The following SIPA1L1 variants were observed in gnomAD, a reference collection of about 807,000 sequenced individuals.
SIPA1L1 encodes the protein signal induced proliferation associated 1 like 1.
In SIPA1L1, 26 loss-of-function variants were observed where a neutral mutation model predicts 162.7. That is an observed-to-expected ratio of 0.16 (90% CI 0.12 to 0.22). SIPA1L1 has a LOEUF of 0.22. Among genes scored for constraint, SIPA1L1 ranks in the 10% least tolerant of loss-of-function variants. The probability of loss-of-function intolerance (pLI) is 1.00; values close to 1 mark genes in which losing one functional copy is unlikely to be tolerated. For missense variants in SIPA1L1, 1,874 were observed against 2,241.0 expected (o/e 0.84, Z 3.31); for synonymous variants, 829 against 837.4 (o/e 0.99, Z 0.17).
chr14:71,608,396 G>C (rs537435210), intron 5 of SIPA1L1, among the ~76,000 whole-genome samples: 1 of 152,086 alleles, frequency 6.6e-6, no homozygotes, highest in Non-Finnish European at 1.5e-5. Context: ...GAGGTATGAA[G>C]GGTGCTTTAA....
rs149178020 is a variant in SIPA1L1 at position 71,536,313 on chromosome 14, A to G, written c.-303+6943A>G. ...TATGCCACAACCCTCTTAACTTCCA[A>G]TGGGCTTCTTTTAAGTGTCTATGCT... On this transcript the variant is annotated intron_variant, in intron 4 of 23. Transcript: ENST00000381232. Among the ~76,000 whole-genome samples the G allele has an allele frequency of 5.2e-3, 786 of 152,244 alleles. 6 individuals carry two copies. Among genetic ancestry groups the G allele is most frequent in the Middle Eastern group, 0.024 (7 of 294 alleles).
At chr14:71,596,750 A>G (rs1330665709) in intron 5 of SIPA1L1, among the ~76,000 whole-genome samples, 1 of 152,156 alleles carries the variant, frequency 6.6e-6, no homozygotes, top group African/African-American at 2.4e-5. Flanking sequence ...AGTCTTCTAC[A>G]ATCTCTTTGC....
At chr14:71,348,108 A>G (rs1288210536) in intron 2 of SIPA1L1, among the ~76,000 whole-genome samples, 5 of 152,184 alleles carry the variant, frequency 3.3e-5, no homozygotes, top group Admixed American at 1.3e-4. Context: ...ATTTAAAAAA[A>G]TTTTTGGAAG....
intron 19 of SIPA1L1, among the ~76,000 whole-genome samples, chr14:71,725,780 C>A (rs367993550): frequency 6.6e-6 from 1 of 152,124 alleles, no homozygotes; most frequent in East Asian, 1.9e-4. Flanking sequence ...GAGTGCACCC[C>A]CAGAAAGGTC....
intron 4 of SIPA1L1, 41 bp downstream of exon 4, chr14:71,529,411 C>T (rs551809401): frequency 3.3e-4 from 190 of 583,872 alleles, no homozygotes; most frequent in Non-Finnish European, 5.4e-4. Context: ...ACCTGCTTTA[C>T]AAAGTGTTGA....
intron 8 of SIPA1L1, among the ~76,000 whole-genome samples, chr14:71,653,825 A>C (rs947299060): frequency 2.6e-5 from 4 of 152,156 alleles, no homozygotes; most frequent in Non-Finnish European, 5.9e-5. Flanking sequence ...AATTATCCCC[A>C]CTTTACAGAA....
chr14:71,347,304 G>A (rs1566914931), intron 2 of SIPA1L1, among the ~76,000 whole-genome samples: 1 of 151,858 alleles, frequency 6.6e-6, no homozygotes, highest in Non-Finnish European at 1.5e-5. Context: ...TGTTTTCAGG[G>A]TTTGTACATG....
chr14:71,596,736 A>T (rs2036081704), intron 5 of SIPA1L1, among the ~76,000 whole-genome samples: 1 of 152,178 alleles, frequency 6.6e-6, no homozygotes, highest in Admixed American at 6.5e-5. Flanking sequence ...GACGTTTTTT[A>T]AAAAGTCTTC....
intron 4 of SIPA1L1, among the ~76,000 whole-genome samples, chr14:71,564,467 T>G (rs2146730065): frequency 6.8e-6 from 1 of 147,506 alleles, no homozygotes; most frequent in South Asian, 2.2e-4. Context: ...ATGTCCTGAC[T>G]TCTTATCCTC....
At chr14:71,349,836 A>G (rs2036519830) in intron 2 of SIPA1L1, among the ~76,000 whole-genome samples, 1 of 152,170 alleles carries the variant, frequency 6.6e-6, no homozygotes, top group Non-Finnish European at 1.5e-5. Context: ...TTGATGGCCC[A>G]AGAGTGGGGG....
chr14:71,439,758 T>C (rs2044687811), intron 2 of SIPA1L1, among the ~76,000 whole-genome samples: 1 of 152,230 alleles, frequency 6.6e-6, no homozygotes, highest in African/African-American at 2.4e-5. Flanking sequence ...AACGTTTTCT[T>C]TTGATTTAAA....
At chr14:71,379,418 C>T (rs1281363954) in intron 2 of SIPA1L1, 2 of 152,030 alleles carry the variant, frequency 1.3e-5, no homozygotes, top group African/African-American at 4.8e-5. Flanking sequence ...GTCTTCCCAC[C>T]TCACCCTCCC....
At chr14:71,669,307 A>T (rs1400133863) in intron 10 of SIPA1L1, among the ~76,000 whole-genome samples, 1 of 152,210 alleles carries the variant, frequency 6.6e-6, no homozygotes, top group East Asian at 1.9e-4. Flanking sequence ...TAATAAATGG[A>T]TCTGCAGAAA....
Position 71,689,007 on chromosome 14 carries a change from C to T in SIPA1L1, c.3374+3376C>T, listed in dbSNP as rs566112921. 2.0e-5 allele frequency among the ~76,000 whole-genome samples: 3 copies of T among 152,316 alleles called. No individual in the cohort carries two copies. In the South Asian group the frequency reaches 6.2e-4, roughly 32 times the overall value. On this transcript the variant is annotated intron_variant, in intron 13 of 23. Transcript: ENST00000381232. ...CTTAAGTAACCATGGATGGATCCAACACAGTCCATTTTGGGTGAAAACACT... is the reference window on the plus strand; with the variant it reads ...CTTAAGTAACCATGGATGGATCCAATACAGTCCATTTTGGGTGAAAACACT...
intron 2 of SIPA1L1, among the ~76,000 whole-genome samples, chr14:71,509,198 T>A (rs1236566980): frequency 2.0e-5 from 3 of 152,240 alleles, no homozygotes; most frequent in Non-Finnish European, 4.4e-5. Context: ...ACTGGTCTGG[T>A]CTGCTGATAT....
At chr14:71,393,987 G>A (rs1414578587) in intron 2 of SIPA1L1, among the ~76,000 whole-genome samples, 1 of 152,188 alleles carries the variant, frequency 6.6e-6, no homozygotes, top group African/African-American at 2.4e-5. Flanking sequence ...AAATTTTCAG[G>A]CAGACAAGTA....
At chr14:71,584,881 A>G (rs933099474) in intron 4 of SIPA1L1, among the ~76,000 whole-genome samples, 2 of 152,160 alleles carry the variant, frequency 1.3e-5, no homozygotes, top group East Asian at 1.9e-4. Flanking sequence ...GCTTTTTACC[A>G]TATTGGTACT....
At chr14:71,485,093 G>C (rs1226384695) in intron 2 of SIPA1L1, among the ~76,000 whole-genome samples, 1 of 152,198 alleles carries the variant, frequency 6.6e-6, no homozygotes, top group Non-Finnish European at 1.5e-5. Flanking sequence ...AGAGAAAGAG[G>C]TACAATAACG....
intron 4 of SIPA1L1, among the ~76,000 whole-genome samples, chr14:71,566,954 A>G (rs972598839): frequency 2.0e-5 from 3 of 152,236 alleles, no homozygotes; most frequent in Admixed American, 6.5e-5. Context: ...ATATAAAGGA[A>G]TTCTACCTTA....
Sources: allele counts gnomAD v4.1 joint callset (sites outside exome capture counted in the v4.1 genomes callset), GRCh38; gene constraint gnomAD v4.1.1; transcripts MANE v1.5; gene names NCBI Gene and HGNC (gene_info 2026-07-23, HGNC 2026-07-21).